DSE: variants seen among roughly 807,000 people sequenced by gnomAD.
DSE encodes dermatan-sulfate epimerase.
Under a neutral mutation model 84.4 loss-of-function variants are expected in DSE, and 36 were observed. That is an observed-to-expected ratio of 0.43 (90% CI 0.33 to 0.56). DSE has a LOEUF of 0.56. DSE is among the 20% of genes least tolerant of loss of function. The pLI, the probability that DSE is intolerant of heterozygous loss-of-function variation, is 0.06. For synonymous variants in DSE, 410 were observed against 430.1 expected, an observed-to-expected ratio of 0.95 and a Z score of 0.58; for missense variants, 862 against 1,169.6, an observed-to-expected ratio of 0.74 and a Z score of 3.84.
chr6:116,322,039 C>CAAGTGAGCAATTCCTGTCCCTTTTA (rs1328325976), intron 2 of DSE, among the ~76,000 whole-genome samples: 2 of 152,118 alleles, frequency 1.3e-5, no homozygotes, highest in Admixed American at 6.5e-5. Context: ...CCGAGCTCCC[C>CAAGTGAGCAATTCCTGTCCCTTTTA]AAGTGAGCAA....
chr6:116,340,680 G>A (rs556713602), intron 2 of DSE, among the ~76,000 whole-genome samples: 9 of 143,014 alleles, frequency 6.3e-5, no homozygotes, highest in African/African-American at 1.0e-4. Context: ...GATGTTCCCC[G>A]CCCTGTGTCC....
At chr6:116,334,238 G>A (rs1005523274) in intron 2 of DSE, among the ~76,000 whole-genome samples, 1 of 152,120 alleles carries the variant, frequency 6.6e-6, no homozygotes, top group Non-Finnish European at 1.5e-5. Context: ...ACTCAGAGTA[G>A]GCAAGTCCCC....
At chr6:116,274,769 A>T (rs1773047627) in intron 2 of DSE, among the ~76,000 whole-genome samples, 1 of 152,204 alleles carries the variant, frequency 6.6e-6, no homozygotes, top group African/African-American at 2.4e-5. Context: ...ACAGTTCATT[A>T]AAGAAATTTT....
intron 2 of DSE, among the ~76,000 whole-genome samples, chr6:116,264,811 G>A (rs543119706): frequency 1.3e-5 from 2 of 152,262 alleles, no homozygotes; most frequent in Admixed American, 1.3e-4. Flanking sequence ...TCAGCCAACT[G>A]GCTGTGTTTC....
rs922026240 is a variant in DSE at position 116,403,356 on chromosome 6, T to C, written c.416+3690T>C. Among the ~76,000 whole-genome samples the C allele has an allele frequency of 1.7e-4, 26 of 152,008 alleles. No individual in the cohort carries two copies. The East Asian group carries it at 4.4e-3, about 26-fold the overall frequency. Reference sequence around the variant, plus strand: ...TCCAATATATAATGGCAAAATATTCTTTATTAAAAATTACAATGGCAAAGA... The same window carrying C: ...TCCAATATATAATGGCAAAATATTCCTTATTAAAAATTACAATGGCAAAGA... On this transcript the variant is annotated intron_variant, in intron 2 of 5. Transcript: ENST00000644252.
At chr6:116,311,045 C>T (rs1775666262) in intron 2 of DSE, among the ~76,000 whole-genome samples, 1 of 152,218 alleles carries the variant, frequency 6.6e-6, no homozygotes. Context: ...GCTCTTCACA[C>T]ATGCTGCACT....
At chr6:116,367,816 G>A (rs544488448), upstream of DSE, among the ~76,000 whole-genome samples, 14 of 152,256 alleles carry the variant, frequency 9.2e-5, no homozygotes, top group East Asian at 1.9e-3. Flanking sequence ...TCTCAGCAAG[G>A]AGAGTTTACC....
chr6:116,396,172 T>C (rs1781237851), intron 1 of DSE, among the ~76,000 whole-genome samples: 1 of 152,220 alleles, frequency 6.6e-6, no homozygotes, highest in Admixed American at 6.5e-5. Flanking sequence ...ACAGCCAGCA[T>C]GCTGCCTTTT....
At chr6:116,338,869 T>A (rs1263390955) in intron 2 of DSE, among the ~76,000 whole-genome samples, 1 of 152,230 alleles carries the variant, frequency 6.6e-6, no homozygotes, top group Non-Finnish European at 1.5e-5. Flanking sequence ...CAAGAATCTC[T>A]GGACCTCTGA....
chr6:116,434,442 A>G (rs1381280031), intron 5 of DSE, among the ~76,000 whole-genome samples: 2 of 152,014 alleles, frequency 1.3e-5, no homozygotes, highest in African/African-American at 2.4e-5. Flanking sequence ...GATTATTTTC[A>G]TAGATAAACT....
chr6:116,292,010 ACT>A (rs1422867444), intron 2 of DSE, among the ~76,000 whole-genome samples: 1 of 152,048 alleles, frequency 6.6e-6, no homozygotes, highest in East Asian at 1.9e-4. Flanking sequence ...GTTTCATGTG[ACT>A]CTAGGGAGAT....
chr6:116,282,436 A>T (rs1264402953), intron 2 of DSE, among the ~76,000 whole-genome samples: 1 of 152,168 alleles, frequency 6.6e-6, no homozygotes, highest in South Asian at 2.1e-4. Flanking sequence ...AGAAGCCATT[A>T]TGTAATTAAT....
chr6:116,398,108 A>G (rs945625185), intron 1 of DSE, among the ~76,000 whole-genome samples: 1 of 152,194 alleles, frequency 6.6e-6, no homozygotes, highest in African/African-American at 2.4e-5. Context: ...CGTTATTTAC[A>G]TAAAACTGTC....
chr6:116,366,453 G>T (rs938148004), upstream of DSE: 1 of 152,106 alleles, frequency 6.6e-6, no homozygotes, highest in African/African-American at 2.4e-5. Flanking sequence ...ACTCCTTTTG[G>T]TCTATTAAGT....
At chr6:116,399,055 A>G (rs1429097048) in intron 1 of DSE, 143 bp from the exon 2 acceptor site, 3 of 664,668 alleles carry the variant, frequency 4.5e-6, no homozygotes, top group East Asian at 5.7e-5. Flanking sequence ...TTTTCTTCCT[A>G]ATTAAATTTT....
intron 2 of DSE, chr6:116,280,100 A>G (rs1029190181): frequency 1.8e-6 from 1 of 544,200 alleles, no homozygotes; most frequent in South Asian, 2.0e-5. Context: ...ATAAATGTCG[A>G]TTGTGCTGAG....
In DSE at chr6:116,437,199, A is replaced by G; in HGVS notation, c.2731A>G (p.Ile911Val). Residue 911 changes from isoleucine (I) to valine (V), a missense_variant, in exon 6 of 6, where the codon ATT becomes GTT. Ile to Val is a conservative substitution (Grantham distance 29). Transcript: ENST00000644252. ...GTTGTTCCTGATTCTGAACATTGCT[A>G]TTTTCTTTGTCATGTTGGCAATGCA... The part of the protein sequence containing the change: ...TRLFLILNIA[I>V]FFVMLAMQLT... 6.2e-7 allele frequency: 1 copy of G among 1,613,932 alleles called. No individual in the cohort carries two copies.
At chr6:116,371,898 C>A (rs1267967055) in intron 1 of DSE, among the ~76,000 whole-genome samples, 1 of 152,226 alleles carries the variant, frequency 6.6e-6, no homozygotes. Context: ...GCAGCCTCCT[C>A]TTAAGCCGGC....
chr6:116,336,820 G>A (rs1777283224), intron 2 of DSE, among the ~76,000 whole-genome samples: 1 of 150,942 alleles, frequency 6.6e-6, no homozygotes, highest in Non-Finnish European at 1.5e-5. Flanking sequence ...CAAAATATCT[G>A]ACTATGTATT....
Sources: allele counts gnomAD v4.1 joint callset (sites outside exome capture counted in the v4.1 genomes callset), GRCh38; gene constraint gnomAD v4.1.1; transcripts MANE v1.5; gene names NCBI Gene and HGNC (gene_info 2026-07-23, HGNC 2026-07-21).